TUB: variants seen among roughly 807,000 people sequenced by gnomAD.
The protein encoded by TUB is TUB bipartite transcription factor.
A neutral mutation model predicts 59.7 loss-of-function variants in TUB; 33 were observed. The ratio of observed to expected loss-of-function variants is 0.55; its 90% CI spans 0.42 to 0.74. The LOEUF (loss-of-function observed/expected upper bound fraction) is 0.74. TUB is among the 30% of genes least tolerant of loss of function. The pLI is 0.00. For synonymous variants in TUB, 293 were observed against 256.4 expected (o/e 1.14, Z -1.36); for missense variants, 659 against 672.0 (o/e 0.98, Z 0.21).
intron 1 of TUB, among the ~76,000 whole-genome samples, chr11:8,020,987 AAAACTT>A (rs554734479): frequency 1.4e-3 from 219 of 152,340 alleles, no homozygotes; most frequent in African/African-American, 5.1e-3. Context: ...TTCTGGGAGA[AAAACTT>A]AAAGTTGAGC....
chr11:8,065,375 T>C (rs1013499719), intron 2 of TUB, among the ~76,000 whole-genome samples: 16 of 152,108 alleles, frequency 1.1e-4, no homozygotes, highest in African/African-American at 3.4e-4. Context: ...GGTTCAACAA[T>C]GGGAGTGACA....
chr11:8,043,970 T>G (rs1942791568), intron 2 of TUB, among the ~76,000 whole-genome samples: 1 of 152,146 alleles, frequency 6.6e-6, no homozygotes, highest in Admixed American at 6.6e-5. Context: ...AATGAGCATC[T>G]GCCCCACCCC....
At chr11:8,043,947 T>C (rs1056649922) in intron 2 of TUB, among the ~76,000 whole-genome samples, 1 of 152,166 alleles carries the variant, frequency 6.6e-6, no homozygotes, top group Non-Finnish European at 1.5e-5. Flanking sequence ...CAATGTTGAA[T>C]ACATTTGTCT....
chr11:8,019,980 G>A (rs1214957918), intron 1 of TUB, among the ~76,000 whole-genome samples: 2 of 152,216 alleles, frequency 1.3e-5, no homozygotes, highest in Non-Finnish European at 2.9e-5. Flanking sequence ...TGCCGGCGTG[G>A]GCGGTTTGGA....
At position 8,100,911 on chromosome 11, in the gene TUB, A is replaced by G; in HGVS notation, c.1301A>G (p.Asp434Gly). The part of the protein sequence containing the change: ...ELQNKTPVWN[D>G]DTQSYVLNFH... Reference sequence around the variant, plus strand: ...CAAAACAAGACACCTGTCTGGAATGATGACACACAGTCCTATGTACTCAAC... The same window carrying G: ...CAAAACAAGACACCTGTCTGGAATGGTGACACACAGTCCTATGTACTCAAC... Residue 434 changes from aspartate to glycine, a missense_variant, in exon 11 of 12, where the codon GAT (aspartate) becomes GGT (glycine). Coordinates refer to ENST00000299506, the MANE Select transcript of TUB (RefSeq NM_177972.3). The G allele has an allele frequency of 6.2e-7, 1 of 1,614,158 alleles. No individual in the cohort carries two copies. Among genetic ancestry groups the G allele is most frequent in the Non-Finnish European group, 8.5e-7 (1 of 1,180,020 alleles).
At chr11:8,071,009 C>T (rs1943350853) in intron 2 of TUB, among the ~76,000 whole-genome samples, 2 of 152,234 alleles carry the variant, frequency 1.3e-5, no homozygotes, top group South Asian at 4.2e-4. Context: ...ACTCTTACCG[C>T]CTGTTTTAAG....
At chr11:8,094,255 T>C (rs866971414) in intron 4 of TUB, 66 bp downstream of exon 4, 4 of 1,518,378 alleles carry the variant, frequency 2.6e-6, no homozygotes, top group Admixed American at 4.2e-5. Flanking sequence ...TGGGGAAGGT[T>C]TGTCCTCCTG....
In TUB at chr11:8,100,816, G is replaced by A. The variant is rs752309529; in HGVS notation, c.1216-10G>A. On this transcript the variant is annotated splice_polypyrimidine_tract_variant and intron_variant, in intron 10 of 11. Coordinates refer to ENST00000299506, the MANE Select transcript of TUB (RefSeq NM_177972.3). Reference sequence around the variant, plus strand: ...GCCTGGGCCTGGCTCAGGTGAGGCTGCCCTCCCAGGAGCATGAGACACTGC... The same window carrying A: ...GCCTGGGCCTGGCTCAGGTGAGGCTACCCTCCCAGGAGCATGAGACACTGC... 13 of 1,613,138 alleles carry A rather than the reference G, an allele frequency of 8.1e-6. No homozygotes were observed. Among genetic ancestry groups the A allele is most frequent in the East Asian group, 2.2e-5 (1 of 44,876 alleles).
At chr11:8,027,849 A>G (rs1466902410) in intron 1 of TUB, among the ~76,000 whole-genome samples, 2 of 152,186 alleles carry the variant, frequency 1.3e-5, no homozygotes, top group Non-Finnish European at 2.9e-5. Context: ...GTTGATGGAC[A>G]CTTGGATTGT....
intron 1 of TUB, among the ~76,000 whole-genome samples, chr11:8,019,793 G>T (rs1486414145): frequency 6.6e-6 from 1 of 151,850 alleles, no homozygotes; most frequent in Non-Finnish European, 1.5e-5. Flanking sequence ...CGCCCCGCCG[G>T]CCCTCCGCAG....
At chr11:8,042,825 A>G (rs1264239853) in intron 2 of TUB, among the ~76,000 whole-genome samples, 1 of 152,172 alleles carries the variant, frequency 6.6e-6, no homozygotes, top group Non-Finnish European at 1.5e-5. Context: ...TTCTTTATAT[A>G]TTCTAGGTAA....
exon 1 of TUB, chr11:8,038,671 G>T (rs1307753359): frequency 7.2e-7 from 1 of 1,380,096 alleles, no homozygotes; most frequent in East Asian, 2.8e-5. Context: ...TTTGGGGGGA[G>T]ACTGCGACCA....
chr11:8,076,842 T>C (rs1943458138), upstream of TUB: 1 of 152,274 alleles, frequency 6.6e-6, no homozygotes, highest in Non-Finnish European at 1.5e-5. Context: ...TTTGCTATTA[T>C]TTTCAGCAGT....
At chr11:8,019,873 C>T (rs1273810679) in intron 1 of TUB, among the ~76,000 whole-genome samples, 1 of 152,114 alleles carries the variant, frequency 6.6e-6, no homozygotes, top group Non-Finnish European at 1.5e-5. Context: ...GCCTGTTCCG[C>T]GGGGCGAGAT....
intron 1 of TUB, among the ~76,000 whole-genome samples, chr11:8,025,905 G>A (rs769255512): frequency 6.6e-6 from 1 of 152,216 alleles, no homozygotes; most frequent in Non-Finnish European, 1.5e-5. Context: ...TTCCAAAGAG[G>A]TTGGACCATT....
intron 2 of TUB, among the ~76,000 whole-genome samples, chr11:8,054,189 T>C (rs1243648873): frequency 6.6e-6 from 1 of 152,222 alleles, no homozygotes; most frequent in African/African-American, 2.4e-5. Flanking sequence ...TGGAGCTGTT[T>C]AGCAACATTT....
intron 2 of TUB, among the ~76,000 whole-genome samples, chr11:8,048,940 T>G (rs2079427177): frequency 6.6e-6 from 1 of 152,244 alleles, no homozygotes; most frequent in Admixed American, 6.5e-5. Context: ...TCATATTTAA[T>G]ATTCGTAATT....
chr11:8,091,117 T>C (rs1376188535), intron 3 of TUB, among the ~76,000 whole-genome samples: 4 of 152,200 alleles, frequency 2.6e-5, no homozygotes, highest in African/African-American at 9.6e-5. Context: ...TCCAGATACA[T>C]CGAACTACTG....
chr11:8,091,085 G>A (rs931904338), intron 3 of TUB, among the ~76,000 whole-genome samples: 4 of 152,014 alleles, frequency 2.6e-5, no homozygotes, highest in African/African-American at 9.7e-5. Context: ...CTCCTTCTGT[G>A]GCTTCGTTAT....
Sources: allele counts gnomAD v4.1 joint callset (sites outside exome capture counted in the v4.1 genomes callset), GRCh38; gene constraint gnomAD v4.1.1; transcripts MANE v1.5; gene names NCBI Gene and HGNC (gene_info 2026-07-23, HGNC 2026-07-21).